TEX9: variants seen among roughly 807,000 people sequenced by gnomAD.
TEX9 encodes the protein testis expressed 9.
A neutral mutation model predicts 59.6 loss-of-function variants in TEX9; 74 were observed. The observed-to-expected ratio is 1.24, with a 90% confidence interval of 1.03 to 1.51. The LOEUF (loss-of-function observed/expected upper bound fraction) is 1.51, where lower values mean the gene tolerates loss of function less well. TEX9 is among the 40% of genes most tolerant of loss of function. The probability of loss-of-function intolerance (pLI) is 0.00; values close to 1 mark genes in which losing one functional copy is unlikely to be tolerated. For missense variants in TEX9, 522 were observed against 447.8 expected (o/e 1.17, Z -1.49); for synonymous variants, 186 against 152.2 (o/e 1.22, Z -1.64).
At chr15:56,316,095 A>T (rs1317546890) in intron 1 of TEX9, among the ~76,000 whole-genome samples, 1 of 147,546 alleles carries the variant, frequency 6.8e-6, no homozygotes, top group East Asian at 2.0e-4. Context: ...CTTTGGTTTG[A>T]ATATCCTCCC....
At chr15:56,443,790 C>T (rs137897472) in intron 12 of TEX9, 1 of 1,612,756 alleles carries the variant, frequency 6.2e-7, no homozygotes, top group South Asian at 1.1e-5. Context: ...AGAGCCTGCT[C>T]TTTCTGAAAC....
At chr15:56,416,029 C>T (rs1322747327) in intron 10 of TEX9, among the ~76,000 whole-genome samples, 1 of 151,672 alleles carries the variant, frequency 6.6e-6, no homozygotes, top group African/African-American at 2.4e-5. Context: ...CTTGGTTTGG[C>T]TGTTGTTAGT....
At chr15:56,387,322 C>T (rs142094927) in intron 4 of TEX9, among the ~76,000 whole-genome samples, 2 of 151,808 alleles carry the variant, frequency 1.3e-5, no homozygotes, top group Non-Finnish European at 2.9e-5. Flanking sequence ...AAATGACAAA[C>T]ATTAATTTAA....
intron 1 of TEX9, among the ~76,000 whole-genome samples, chr15:56,317,588 A>C (rs1394217716): frequency 6.6e-6 from 1 of 152,092 alleles, no homozygotes; most frequent in Non-Finnish European, 1.5e-5. Flanking sequence ...TTAGTTTACT[A>C]TCCTTTTTCT....
intron 12 of TEX9, among the ~76,000 whole-genome samples, chr15:56,432,040 C>G (rs2050611432): frequency 6.6e-6 from 1 of 152,146 alleles, no homozygotes; most frequent in African/African-American, 2.4e-5. Flanking sequence ...GAACAGTAAT[C>G]TACTAAGCCA....
At chr15:56,249,766 AAAG>A (rs2043969508) in intron 1 of TEX9, among the ~76,000 whole-genome samples, 2 of 151,278 alleles carry the variant, frequency 1.3e-5, no homozygotes, top group Non-Finnish European at 1.5e-5. Flanking sequence ...AAAAAAAAAA[AAAG>A]AGGAAAGAAG....
At chr15:56,383,253 C>G (rs1252877476) in intron 3 of TEX9, among the ~76,000 whole-genome samples, 1 of 152,240 alleles carries the variant, frequency 6.6e-6, no homozygotes, top group African/African-American at 2.4e-5. Flanking sequence ...TCAGGCTGCA[C>G]AGCCACTGCA....
chr15:56,267,834 C>T (rs2044424697), intron 1 of TEX9, among the ~76,000 whole-genome samples: 1 of 152,090 alleles, frequency 6.6e-6, no homozygotes, highest in South Asian at 2.1e-4. Flanking sequence ...TCCATATGAA[C>T]TTTAAAGTAG....
At chr15:56,303,679 G>A (rs2045412580) in intron 1 of TEX9, among the ~76,000 whole-genome samples, 1 of 151,878 alleles carries the variant, frequency 6.6e-6, no homozygotes, top group Non-Finnish European at 1.5e-5. Flanking sequence ...AGAAATACAT[G>A]AAATGGAAAT....
intron 3 of TEX9, among the ~76,000 whole-genome samples, chr15:56,381,736 T>C (rs2047734537): frequency 6.6e-6 from 1 of 152,242 alleles, no homozygotes; most frequent in South Asian, 2.1e-4. Context: ...CTGAGCTGTC[T>C]GAAACTAGGG....
chr15:56,444,766 C>CAATAT, intron 12 of TEX9: 1 of 1,104,360 alleles, frequency 9.1e-7, no homozygotes, highest in South Asian at 1.5e-5. Context: ...ATTATAAAGT[C>CAATAT]TTTTACATAA....
intron 1 of TEX9, among the ~76,000 whole-genome samples, chr15:56,296,609 C>T (rs2045224608): frequency 6.6e-6 from 1 of 152,118 alleles, no homozygotes; most frequent in African/African-American, 2.4e-5. Context: ...TCACTTTTCA[C>T]TGTGTAAAAT....
intron 1 of TEX9, among the ~76,000 whole-genome samples, chr15:56,281,645 A>T (rs2044823075): frequency 6.6e-6 from 1 of 152,244 alleles, no homozygotes; most frequent in African/African-American, 2.4e-5. Context: ...GCCCTCAGAT[A>T]GTCAAAATAA....
At chr15:56,269,841 A>T (rs1469747818) in intron 1 of TEX9, among the ~76,000 whole-genome samples, 1 of 151,716 alleles carries the variant, frequency 6.6e-6, no homozygotes, top group African/African-American at 2.4e-5. Context: ...TATTTTTAGT[A>T]GAGATGGGGT....
upstream of TEX9, among the ~76,000 whole-genome samples, chr15:56,360,444 A>G (rs1472524458): frequency 1.3e-5 from 2 of 152,154 alleles, no homozygotes; most frequent in Non-Finnish European, 2.9e-5. Flanking sequence ...GGTAGTTTGT[A>G]TCTTTCAAGT....
At chr15:56,313,361 G>T (rs1365228502) in intron 1 of TEX9, among the ~76,000 whole-genome samples, 2 of 116,304 alleles carry the variant, frequency 1.7e-5, no homozygotes, top group Non-Finnish European at 3.7e-5. Flanking sequence ...AGCATGAAGG[G>T]TTGTTGAATT....
the TEX9 span, among the ~76,000 whole-genome samples, chr15:56,458,850 A>G: frequency 6.6e-6 from 1 of 152,188 alleles, no homozygotes; most frequent in East Asian, 1.9e-4. Flanking sequence ...TCCATTATCT[A>G]CTGAAGGACA....
At chr15:56,385,201 T>C (rs1206647251) in intron 4 of TEX9, among the ~76,000 whole-genome samples, 3 of 152,200 alleles carry the variant, frequency 2.0e-5, no homozygotes, top group African/African-American at 7.2e-5. Context: ...ATCTGTTCCA[T>C]TGATCTATAT....
At chr15:56,300,057 A>G (rs139981434) in intron 1 of TEX9, among the ~76,000 whole-genome samples, 2,569 of 152,182 alleles carry the variant, frequency 0.017, 32 homozygotes, top group Middle Eastern at 0.048. Flanking sequence ...TACAGCACCA[A>G]GCGGGTTCCC....
Sources: allele counts gnomAD v4.1 joint callset (sites outside exome capture counted in the v4.1 genomes callset), GRCh38; gene constraint gnomAD v4.1.1; transcripts MANE v1.5; gene names NCBI Gene and HGNC (gene_info 2026-07-23, HGNC 2026-07-21).